Variants in BCAR3 observed in about 807,000 individuals in gnomAD.
The protein encoded by BCAR3 is breast cancer anti-estrogen resistance protein 3.
In BCAR3, 37 loss-of-function variants were observed where a neutral mutation model predicts 80.1. That is an observed-to-expected ratio of 0.46 (90% CI 0.36 to 0.61). The LOEUF is 0.61. Among genes scored for constraint, BCAR3 ranks in the 20% least tolerant of loss-of-function variants. BCAR3 has a pLI of 0.00. For missense variants in BCAR3, 978 were observed against 1,068.2 expected (o/e 0.92, Z 1.18); for synonymous variants, 389 against 418.9 (o/e 0.93, Z 0.87).
chr1:93,623,839 T>C (rs1342970384), intron 3 of BCAR3, among the ~76,000 whole-genome samples: 3 of 152,208 alleles, frequency 2.0e-5, no homozygotes, highest in Non-Finnish European at 4.4e-5. Flanking sequence ...GTGATCTCTG[T>C]ATCTGAGAAA....
chr1:93,762,446 G>A (rs544725130), intron 2 of BCAR3, among the ~76,000 whole-genome samples: 2 of 152,294 alleles, frequency 1.3e-5, no homozygotes, highest in African/African-American at 4.8e-5. Context: ...TCTGCTGAGA[G>A]CTCGTGTACA....
chr1:93,738,870 G>A (rs1651084525), intron 2 of BCAR3, among the ~76,000 whole-genome samples: 1 of 152,140 alleles, frequency 6.6e-6, no homozygotes, highest in Admixed American at 6.5e-5. Context: ...CTTTAGTTAG[G>A]ACCCTTCAGG....
intron 11 of BCAR3, 130 bp from the exon 12 acceptor site, chr1:93,562,549 C>T (rs1672732526): frequency 7.3e-6 from 5 of 688,142 alleles, no homozygotes; most frequent in Non-Finnish European, 1.2e-5. Flanking sequence ...GTGGGTGGAT[C>T]ACAAGATCAG....
intron 2 of BCAR3, among the ~76,000 whole-genome samples, chr1:93,772,182 C>T (rs147651513): frequency 2.6e-5 from 4 of 152,190 alleles, no homozygotes; most frequent in Non-Finnish European, 5.9e-5. Context: ...AGATTCTATG[C>T]TGAGGGCAAT....
intron 2 of BCAR3, among the ~76,000 whole-genome samples, chr1:93,838,334 CTT>C (rs1056278796): frequency 4.6e-5 from 7 of 152,182 alleles, no homozygotes; most frequent in Non-Finnish European, 8.8e-5. Flanking sequence ...AGCATCCTGT[CTT>C]TATTACAACC....
At chr1:93,745,019 T>C (rs1413423939) in intron 2 of BCAR3, among the ~76,000 whole-genome samples, 1 of 152,222 alleles carries the variant, frequency 6.6e-6, no homozygotes, top group African/African-American at 2.4e-5. Flanking sequence ...GGCAAGCACA[T>C]GTCTACCCTA....
At chr1:93,604,673 T>C (rs1483652721) in intron 3 of BCAR3, among the ~76,000 whole-genome samples, 1 of 152,210 alleles carries the variant, frequency 6.6e-6, no homozygotes, top group Non-Finnish European at 1.5e-5. Flanking sequence ...CACATTCCCA[T>C]CCTGCCAGAT....
chr1:93,679,927 ACT>A (rs1217501717), intron 1 of BCAR3, among the ~76,000 whole-genome samples: 1 of 152,076 alleles, frequency 6.6e-6, no homozygotes, highest in East Asian at 1.9e-4. Flanking sequence ...TATATTTTAA[ACT>A]CTGGAAATGT....
chr1:93,641,755 A>C (rs1322525240), intron 3 of BCAR3, among the ~76,000 whole-genome samples: 1 of 152,188 alleles, frequency 6.6e-6, no homozygotes, highest in Non-Finnish European at 1.5e-5. Context: ...GACTCATAAA[A>C]TCTCAGGGAG....
chr1:93,633,760 G>A (rs1413978590), intron 3 of BCAR3, among the ~76,000 whole-genome samples: 6 of 152,128 alleles, frequency 3.9e-5, no homozygotes, highest in Admixed American at 6.6e-5. Context: ...TCCGCCTCCC[G>A]AGTAGCTGGG....
In BCAR3 at chr1:93,582,622, T is replaced by C. The variant is rs2101830793; in HGVS notation, c.1365A>G (p.Thr455=). 1 of 1,613,982 alleles carries C rather than the reference T, an allele frequency of 6.2e-7. No homozygotes were observed. Among genetic ancestry groups the C allele is most frequent in the South Asian group, 1.1e-5 (1 of 91,074 alleles). The change falls in exon 7 of 12, where the codon ACA becomes ACG. Residue 455 remains threonine (T), a synonymous_variant. Coordinates refer to ENST00000260502, the MANE Select transcript of BCAR3 (RefSeq NM_003567.4). ...KLPSCAQGSH[T]ELLTAKQNEA... Reference sequence around the variant, plus strand: ...CATTCTGCTTGGCTGTGAGCAGTTCTGTGTGGCTTCCCTGGGCACATGAGG... The same window carrying C: ...CATTCTGCTTGGCTGTGAGCAGTTCCGTGTGGCTTCCCTGGGCACATGAGG...
At chr1:93,685,331 G>T (rs1648937888), upstream of BCAR3, among the ~76,000 whole-genome samples, 1 of 151,292 alleles carries the variant, frequency 6.6e-6, no homozygotes, top group Admixed American at 6.6e-5. Context: ...TATTAATATT[G>T]TATGTGCCTA....
intron 2 of BCAR3, among the ~76,000 whole-genome samples, chr1:93,669,049 T>C (rs1444550295): frequency 1.3e-5 from 2 of 152,086 alleles, no homozygotes; most frequent in Non-Finnish European, 2.9e-5. Flanking sequence ...CCAATTTTTT[T>C]CTCCAAAAAG....
intron 2 of BCAR3, among the ~76,000 whole-genome samples, chr1:93,745,759 G>C (rs745319586): frequency 2.0e-5 from 3 of 152,178 alleles, no homozygotes; most frequent in Non-Finnish European, 4.4e-5. Flanking sequence ...AAATTTTATA[G>C]CTGGGCGTGA....
chr1:93,688,055 G>C (rs1447411519), intron 3 of BCAR3, among the ~76,000 whole-genome samples: 1 of 152,206 alleles, frequency 6.6e-6, no homozygotes, highest in East Asian at 1.9e-4. Flanking sequence ...AATATTTTCA[G>C]AAGTCTTACC....
intron 2 of BCAR3, among the ~76,000 whole-genome samples, chr1:93,781,218 T>A (rs1571122860): frequency 6.6e-6 from 1 of 152,380 alleles, no homozygotes; most frequent in South Asian, 2.1e-4. Flanking sequence ...TAAAACTCTA[T>A]GGACACTGAA....
chr1:93,642,027 G>A (rs1313393819), intron 3 of BCAR3, among the ~76,000 whole-genome samples: 3 of 152,052 alleles, frequency 2.0e-5, no homozygotes, highest in Admixed American at 6.5e-5. Flanking sequence ...ATTACTATAC[G>A]TACCATATTA....
chr1:93,669,971 C>T (rs1287669165), intron 2 of BCAR3, among the ~76,000 whole-genome samples: 4 of 152,120 alleles, frequency 2.6e-5, no homozygotes, highest in African/African-American at 9.7e-5. Flanking sequence ...TAAAAGACTA[C>T]AAATAGGGTG....
intron 2 of BCAR3, among the ~76,000 whole-genome samples, chr1:93,719,743 C>G (rs1650322798): frequency 6.6e-6 from 1 of 152,108 alleles, no homozygotes; most frequent in Non-Finnish European, 1.5e-5. Flanking sequence ...GTCCTTTGAA[C>G]CTGTACATAG....
Sources: gnomAD v4.1 joint callset for allele counts (sites outside exome capture counted in the v4.1 genomes callset) on GRCh38, gnomAD v4.1.1 for gene constraint, MANE v1.5 for transcripts, NCBI Gene and HGNC (gene_info 2026-07-23, HGNC 2026-07-21) for gene names.